The following SEC14L5 variants were observed in gnomAD, a reference collection of about 807,000 sequenced individuals.
SEC14L5 encodes the protein SEC14-like protein 5.
Under a neutral mutation model 84.6 loss-of-function variants are expected in SEC14L5, and 96 were observed. The observed-to-expected ratio is 1.13, with a 90% CI of 0.96 to 1.34. SEC14L5 has a LOEUF of 1.34. Among genes scored for constraint, SEC14L5 ranks in the 40% most tolerant of loss-of-function variants. The probability of loss-of-function intolerance (pLI) is 0.00; values close to 1 mark genes in which losing one functional copy is unlikely to be tolerated. For missense variants in SEC14L5, 1,224 were observed against 942.5 expected (o/e 1.30, Z -3.91); for synonymous variants, 546 against 383.4 (o/e 1.42, Z -4.95).
intron 2 of SEC14L5, among the ~76,000 whole-genome samples, chr16:4,959,848 G>T (rs1313445563): frequency 6.6e-6 from 1 of 152,146 alleles, no homozygotes; most frequent in Non-Finnish European, 1.5e-5. Flanking sequence ...GCTTTGACAG[G>T]TGAAGGGATG....
At chr16:4,997,288 T>C (rs1955623179) in intron 8 of SEC14L5, among the ~76,000 whole-genome samples, 1 of 152,174 alleles carries the variant, frequency 6.6e-6, no homozygotes, top group African/African-American at 2.4e-5. Flanking sequence ...TTAGTAGAGA[T>C]GAGGTTTTGC....
At chr16:4,980,982 G>C (rs563919977) in intron 2 of SEC14L5, among the ~76,000 whole-genome samples, 1 of 152,226 alleles carries the variant, frequency 6.6e-6, no homozygotes, top group African/African-American at 2.4e-5. Flanking sequence ...TGTTCTAAAC[G>C]CAGCAAAGCT....
rs71139670 is a variant in SEC14L5, at chr16:4,983,877, CAAATAAATAAAT to C, written c.64-3650_64-3639del. 3.7e-3 allele frequency among the ~76,000 whole-genome samples: 532 copies of C among 144,158 alleles called. 4 individuals are homozygous for C. The highest frequency in any genetic ancestry group is 0.011 in the African/African-American group (452 of 39,744). The allele number at this position is 144,158 out of a possible 152,430, so 94.6% of individuals were successfully genotyped here. A position where few individuals can be genotyped will look rare whatever the true frequency, so the allele number is the denominator to read the frequency against. ...GGGTGACAAGAACAAAACTCTGTCT[CAAATAAATAAAT>C]AAATAAATAAATAAATAAATAAATA... On this transcript the variant is annotated intron_variant, in intron 2 of 15. Coordinates refer to ENST00000251170, the MANE Select transcript of SEC14L5 (RefSeq NM_014692.2).
intron 8 of SEC14L5, among the ~76,000 whole-genome samples, chr16:4,999,912 C>G (rs1955656452): frequency 6.6e-6 from 1 of 151,864 alleles, no homozygotes. Flanking sequence ...GAGACTCTGT[C>G]TCAAAAACCA....
chr16:4,962,168 AAAAAAAAAAAAAAAG>A, intron 2 of SEC14L5, among the ~76,000 whole-genome samples: 1 of 150,012 alleles, frequency 6.7e-6, no homozygotes, highest in African/African-American at 2.4e-5. Flanking sequence ...TCTGTCTCAA[AAAAAAAAAAAAAAAG>A]AAAAAGAAAA....
chr16:4,991,734 G>A (rs758356658), intron 5 of SEC14L5, 104 bp from the exon 6 acceptor site: 16 of 667,924 alleles, frequency 2.4e-5, no homozygotes, highest in East Asian at 9.2e-5. Context: ...GCCACGTGTC[G>A]GGGCTGGGAC....
intron 8 of SEC14L5, among the ~76,000 whole-genome samples, chr16:4,997,529 C>A (rs1955625522): frequency 6.6e-6 from 1 of 152,160 alleles, no homozygotes; most frequent in Non-Finnish European, 1.5e-5. Flanking sequence ...GGCTTTGGGG[C>A]TTGAGGAGGA....
rs531857027 is a variant in SEC14L5 at position 4,997,270 on chromosome 16, T to A, written c.970+226T>A. Reference sequence around the variant, plus strand: ...CCCGCCACCACAGCTGGCTAATTTTTTGTATTTTTAGTAGAGATGAGGTTT... The same window carrying A: ...CCCGCCACCACAGCTGGCTAATTTTATGTATTTTTAGTAGAGATGAGGTTT... On this transcript the variant is annotated intron_variant, in intron 8 of 15. Coordinates refer to ENST00000251170, the MANE Select transcript of SEC14L5 (RefSeq NM_014692.2). Among the ~76,000 whole-genome samples the A allele has an allele frequency of 1.6e-4, 24 of 152,290 alleles. 1 individual carries two copies. In the South Asian group the frequency reaches 4.6e-3, roughly 29 times the overall value.
Position 4,997,206 on chromosome 16 carries a change from C to T in SEC14L5, c.970+162C>T, listed in dbSNP as rs538204084. Among the ~76,000 whole-genome samples the T allele has an allele frequency of 2.8e-4, 42 of 152,322 alleles. 1 individual carries two copies. In the Middle Eastern group the frequency reaches 0.02, roughly 74 times the overall value. ...CTCCGCTTCCCGGGTTCAAGCAATT[C>T]TCCTGCCTCAGCCTCCCCAGCAGCT... On this transcript the variant is annotated intron_variant, in intron 8 of 15. Coordinates refer to ENST00000251170, the MANE Select transcript of SEC14L5 (RefSeq NM_014692.2).
At chr16:5,010,892 T>G (rs1955792083) in intron 14 of SEC14L5, 1 of 563,876 alleles carries the variant, frequency 1.8e-6, no homozygotes, top group Admixed American at 3.0e-5. Context: ...AGAGGGAGGC[T>G]CTGGTCCCAG....
chr16:4,992,124 C>T (rs1034832245), intron 6 of SEC14L5, 94 bp downstream of exon 6: 1 of 861,882 alleles, frequency 1.2e-6, no homozygotes, highest in Admixed American at 3.1e-5. Context: ...GGAGAATTGC[C>T]TGCCGTCCCC....
Position 5,008,567 on chromosome 16 carries a change from G to A in SEC14L5, c.1719G>A (p.Leu573=). 1 of 1,608,110 alleles carries A rather than the reference G, an allele frequency of 6.2e-7. No individual in the cohort carries two copies. Among genetic ancestry groups the A allele is most frequent in the South Asian group, 1.1e-5 (1 of 90,382 alleles). The change falls in exon 14 of 16, where the codon CTG becomes CTA. Residue 573 remains leucine, a synonymous_variant. Transcript: ENST00000251170. ...CGGGGACCAGGGCCAGCGGGCAGCT[G>A]ATCGACAAAGGCTGGGTCCTGGGCA... The part of the protein sequence containing the change: ...REPGTRASGQ[L]IDKGWVLGRD...
chr16:4,996,630 C>T (rs1955612683), intron 7 of SEC14L5, among the ~76,000 whole-genome samples, 170 bp downstream of exon 7: 1 of 152,098 alleles, frequency 6.6e-6, no homozygotes, highest in African/African-American at 2.4e-5. Flanking sequence ...GTCCCCCAGG[C>T]AGTGGTGTGA....
In SEC14L5 at chr16:5,003,539, G is replaced by T; in HGVS notation, c.1268G>T (p.Arg423Leu). 7.3e-7 allele frequency: 1 copy of T among 1,361,296 alleles called. No homozygotes were observed. Among genetic ancestry groups the T allele is most frequent in the Non-Finnish European group, 9.8e-7 (1 of 1,021,670 alleles). The allele number at this position is 1,361,296 out of a possible 1,614,324, so 84.3% of individuals were successfully genotyped here. ...PETLGRLLIVRAPRVFPVLWT... is the reference protein window; with the variant it reads ...PETLGRLLIVLAPRVFPVLWT... ...ACCCTGGGTCGGCTGCTCATCGTGC[G>T]AGCCCCCCGAGTCTTCCCCGTGCTC... Residue 423 changes from arginine (R) to leucine (L), a missense_variant, in exon 11 of 16, where the codon CGA (arginine) becomes CTA (leucine). Physicochemically the swap from Arg to Leu is moderately radical, Grantham distance 102. Transcript: ENST00000251170.
chr16:4,970,988 G>A (rs1034486661), intron 2 of SEC14L5, among the ~76,000 whole-genome samples: 4 of 151,858 alleles, frequency 2.6e-5, no homozygotes, highest in Middle Eastern at 3.2e-3. Context: ...TGTGCCTGTA[G>A]TCCCAGCTAC....
At chr16:4,970,916 T>C (rs1955268693) in intron 2 of SEC14L5, among the ~76,000 whole-genome samples, 2 of 152,268 alleles carry the variant, frequency 1.3e-5, no homozygotes, top group South Asian at 4.1e-4. Flanking sequence ...GAGACCAGCC[T>C]GGCCAACATG....
intron 4 of SEC14L5, 27 bp from the exon 5 acceptor site, chr16:4,990,740 C>T: frequency 6.3e-7 from 1 of 1,590,730 alleles, no homozygotes; most frequent in Non-Finnish European, 8.6e-7. Context: ...CATTGAGTCC[C>T]TGGCATGACC....
At chr16:4,959,051 C>T (rs1385545167) in intron 1 of SEC14L5, among the ~76,000 whole-genome samples, 2 of 151,410 alleles carry the variant, frequency 1.3e-5, no homozygotes, top group Non-Finnish European at 2.9e-5. Context: ...TTTGGGGGTG[C>T]TGACTGCTCT....
chr16:4,997,160 G>A, intron 8 of SEC14L5, 116 bp downstream of exon 8: 1 of 666,162 alleles, frequency 1.5e-6, no homozygotes, highest in Non-Finnish European at 2.3e-6. Flanking sequence ...GTGCAGTGGT[G>A]CCATCTCGGC....
Sources: allele counts gnomAD v4.1 joint callset (sites outside exome capture counted in the v4.1 genomes callset), GRCh38; gene constraint gnomAD v4.1.1; transcripts MANE v1.5; gene names NCBI Gene and HGNC (gene_info 2026-07-23, HGNC 2026-07-21).